CXADR: variants seen among roughly 807,000 people sequenced by gnomAD.
CXADR encodes the protein coxsackievirus and adenovirus receptor.
A neutral mutation model predicts 40.3 loss-of-function variants in CXADR; 20 were observed. The ratio of observed to expected loss-of-function variants is 0.50; its 90% CI spans 0.35 to 0.72. The LOEUF is 0.72. Ranked by LOEUF, CXADR falls within the 30% of genes least tolerant of loss-of-function variation. CXADR has a pLI of 0.01. For missense variants in CXADR, 332 were observed against 449.1 expected (o/e 0.74, Z 2.36); for synonymous variants, 150 against 161.3 (o/e 0.93, Z 0.53).
At chr21:17,554,503 A>G (rs2123281309) in intron 3 of CXADR, among the ~76,000 whole-genome samples, 1 of 152,210 alleles carries the variant, frequency 6.6e-6, no homozygotes, top group African/African-American at 2.4e-5. Context: ...GGGAGAGGGG[A>G]TAAACTGGGG....
the CXADR span, among the ~76,000 whole-genome samples, chr21:17,615,573 G>A: frequency 1.8e-4 from 28 of 152,042 alleles, no homozygotes; most frequent in Admixed American, 1.8e-3. Flanking sequence ...ATGTATGCTC[G>A]CTCTCTCTCA....
At chr21:17,544,278 T>C (rs2060866369) in intron 1 of CXADR, among the ~76,000 whole-genome samples, 1 of 152,164 alleles carries the variant, frequency 6.6e-6, no homozygotes, top group South Asian at 2.1e-4. Flanking sequence ...GGAGAAACAC[T>C]TGAGATTATG....
chr21:17,513,520 C>T (rs2060419630), intron 1 of CXADR, among the ~76,000 whole-genome samples: 1 of 152,264 alleles, frequency 6.6e-6, no homozygotes, highest in African/African-American at 2.4e-5. Context: ...CTCTCGCCGT[C>T]TCCCTTGTCA....
chr21:17,547,004 C>T (rs750820556), intron 1 of CXADR, 23 bp from the exon 2 acceptor site: 6 of 1,611,380 alleles, frequency 3.7e-6, no homozygotes, highest in Non-Finnish European at 3.4e-6. Context: ...AATGCTTAGT[C>T]CCTTGTACAT....
the CXADR span, among the ~76,000 whole-genome samples, chr21:17,631,811 C>G: frequency 6.6e-6 from 1 of 152,140 alleles, no homozygotes; most frequent in South Asian, 2.1e-4. Flanking sequence ...GTGTGGTAGA[C>G]TAGATACCAC....
At position 17,565,721 on chromosome 21, in the gene CXADR, C is replaced by T. The variant is rs146313481; in HGVS notation, c.*29C>T. 46 of 1,587,244 alleles carry T rather than the reference C, an allele frequency of 2.9e-5. No individual in the cohort carries two copies. The highest frequency in any genetic ancestry group is 9.5e-5 in the African/African-American group (7 of 73,978). On this transcript the variant is annotated 3_prime_UTR_variant, in exon 7 of 7. Transcript: ENST00000284878. Reference sequence around the variant, plus strand: ...CTCCATATGTCTCATCTGTGCTCTCCGTGTTCCTTTCCTTTTTTTGATATA... The same window carrying T: ...CTCCATATGTCTCATCTGTGCTCTCTGTGTTCCTTTCCTTTTTTTGATATA...
intron 7 of CXADR, among the ~76,000 whole-genome samples, chr21:17,588,301 T>A (rs984500358): frequency 6.6e-6 from 1 of 152,224 alleles, no homozygotes; most frequent in African/African-American, 2.4e-5. Context: ...GGGGATGGCA[T>A]TGAATCTATA....
At chr21:17,562,981 C>T (rs2737864) in intron 6 of CXADR, among the ~76,000 whole-genome samples, 72,470 of 152,078 alleles carry the variant, frequency 0.48, 20,802 homozygotes, top group Non-Finnish European at 0.63. Context: ...ACTAAACTTT[C>T]TCCATATCAG....
the CXADR span, among the ~76,000 whole-genome samples, chr21:17,635,058 A>G: frequency 1.3e-5 from 2 of 152,264 alleles, no homozygotes; most frequent in African/African-American, 4.8e-5. Flanking sequence ...GAAGAAATGG[A>G]TGGAAGTTGT....
intron 1 of CXADR, among the ~76,000 whole-genome samples, chr21:17,546,294 A>G (rs1179621678): frequency 6.6e-6 from 1 of 152,242 alleles, no homozygotes; most frequent in Non-Finnish European, 1.5e-5. Context: ...GTTTGTGGTG[A>G]GCATGAATTA....
At chr21:17,580,228 G>A (rs1337628265) in intron 7 of CXADR, among the ~76,000 whole-genome samples, 2 of 152,192 alleles carry the variant, frequency 1.3e-5, no homozygotes, top group Non-Finnish European at 2.9e-5. Flanking sequence ...TGTTCTCCTA[G>A]ACAAGAGTTG....
intron 7 of CXADR, among the ~76,000 whole-genome samples, chr21:17,592,451 C>A (rs554490269): frequency 6.6e-6 from 1 of 151,586 alleles, no homozygotes; most frequent in Non-Finnish European, 1.5e-5. Context: ...AGATGAAAAA[C>A]CTACAGATGA....
the CXADR span, among the ~76,000 whole-genome samples, chr21:17,627,752 C>T: frequency 6.6e-6 from 1 of 152,104 alleles, no homozygotes; most frequent in Non-Finnish European, 1.5e-5. Flanking sequence ...GGTTGCTACT[C>T]GGAAAGATGA....
the CXADR span, among the ~76,000 whole-genome samples, chr21:17,605,997 A>C: frequency 6.6e-6 from 1 of 152,342 alleles, no homozygotes; most frequent in Non-Finnish European, 1.5e-5. Flanking sequence ...TGCTATTTAA[A>C]GTTTTTGTAA....
chr21:17,587,810 C>T lies in CXADR; in HGVS notation c.1018-5342C>T, dbSNP rs1439396828. 4.6e-5 allele frequency among the ~76,000 whole-genome samples: 7 copies of T among 152,152 alleles called. No individual in the cohort carries two copies. In the South Asian group the frequency reaches 1.2e-3, roughly 27 times the overall value. On this transcript the variant is annotated intron_variant, in intron 7 of 7. Transcript: ENST00000400169. ...GGTGTTTTAGACATGAAGTCCTTGCCCATGCCTATGTCCTGAATGGTATTG... is the reference window on the plus strand; with the variant it reads ...GGTGTTTTAGACATGAAGTCCTTGCTCATGCCTATGTCCTGAATGGTATTG...
intron 7 of CXADR, among the ~76,000 whole-genome samples, chr21:17,588,840 G>T (rs542566429): frequency 6.6e-6 from 1 of 151,946 alleles, no homozygotes; most frequent in African/African-American, 2.4e-5. Flanking sequence ...AAATTTTGCT[G>T]GGATTTTAAA....
intron 7 of CXADR, among the ~76,000 whole-genome samples, chr21:17,586,219 A>G (rs1448198373): frequency 6.6e-6 from 1 of 152,000 alleles, no homozygotes; most frequent in Non-Finnish European, 1.5e-5. Context: ...GCCTTACTAA[A>G]TGATTTACTT....
chr21:17,586,931 T>C (rs996925754), intron 7 of CXADR, among the ~76,000 whole-genome samples: 2 of 152,072 alleles, frequency 1.3e-5, no homozygotes, highest in Non-Finnish European at 1.5e-5. Flanking sequence ...ATGTTCCCCT[T>C]CCTGTGTCCA....
intron 4 of CXADR, 91 bp from the exon 5 acceptor site, chr21:17,560,611 T>G: frequency 7.7e-7 from 1 of 1,294,856 alleles, no homozygotes; most frequent in Non-Finnish European, 1.1e-6. Context: ...TTTAACTGGA[T>G]TGTTTAATTT....
Sources: gnomAD v4.1 joint callset for allele counts (sites outside exome capture counted in the v4.1 genomes callset) on GRCh38, gnomAD v4.1.1 for gene constraint, MANE v1.5 for transcripts, NCBI Gene and HGNC (gene_info 2026-07-23, HGNC 2026-07-21) for gene names.